PEX5L: variants seen among roughly 807,000 people sequenced by gnomAD.
The protein encoded by PEX5L is PEX5-related protein.
In PEX5L, 30 loss-of-function variants were observed where a neutral mutation model predicts 84.0. The observed-to-expected ratio is 0.36, with a 90% CI of 0.27 to 0.48. PEX5L has a LOEUF of 0.48. PEX5L is among the 20% of genes least tolerant of loss of function. PEX5L has a pLI of 0.99. For synonymous variants in PEX5L, 270 were observed against 283.1 expected (o/e 0.95, Z 0.46); for missense variants, 533 against 754.6 (o/e 0.71, Z 3.44).
intron 8 of PEX5L, among the ~76,000 whole-genome samples, chr3:179,845,943 G>A (rs1461864444): frequency 6.6e-6 from 1 of 152,192 alleles, no homozygotes; most frequent in Non-Finnish European, 1.5e-5. Flanking sequence ...GCTGAGACGG[G>A]CAGATCACCT....
chr3:179,836,920 T>C (rs1735170070), intron 8 of PEX5L, among the ~76,000 whole-genome samples: 2 of 152,194 alleles, frequency 1.3e-5, no homozygotes, highest in African/African-American at 4.8e-5. Context: ...GCTGCAGTTA[T>C]GTAAATAATC....
At chr3:180,032,627 G>A (rs374575655) in intron 1 of PEX5L, among the ~76,000 whole-genome samples, 30 of 152,204 alleles carry the variant, frequency 2.0e-4, no homozygotes, top group East Asian at 7.7e-4. Flanking sequence ...GCAAAGGCGC[G>A]TGGATCGCTT....
chr3:179,946,082 C>T (rs962822125), intron 2 of PEX5L, among the ~76,000 whole-genome samples: 2 of 151,954 alleles, frequency 1.3e-5, no homozygotes, highest in East Asian at 3.9e-4. Flanking sequence ...CTGTCCTTAC[C>T]TCTCTTCATT....
intron 11 of PEX5L, among the ~76,000 whole-genome samples, chr3:179,810,112 C>G (rs1413752170): frequency 2.2e-5 from 3 of 137,714 alleles, no homozygotes; most frequent in Non-Finnish European, 4.6e-5. Flanking sequence ...CACCTGGACT[C>G]AAGCGATTTT....
intron 2 of PEX5L, among the ~76,000 whole-genome samples, chr3:179,946,207 A>G (rs992103607): frequency 1.3e-5 from 2 of 152,152 alleles, no homozygotes; most frequent in African/African-American, 2.4e-5. Context: ...TTGAAATCAG[A>G]ATAATCTTGA....
At chr3:179,856,729 G>T (rs1744116325) in intron 8 of PEX5L, among the ~76,000 whole-genome samples, 1 of 152,160 alleles carries the variant, frequency 6.6e-6, no homozygotes, top group Admixed American at 6.5e-5. Flanking sequence ...CACACCTTCT[G>T]GTGGGCACCA....
chr3:180,014,847 C>T (rs938884538), intron 1 of PEX5L, among the ~76,000 whole-genome samples: 9 of 151,954 alleles, frequency 5.9e-5, no homozygotes, highest in African/African-American at 1.4e-4. Context: ...ATGGTGATTT[C>T]GATCTTGCAA....
intron 4 of PEX5L, 88 bp downstream of exon 4, chr3:179,887,585 C>T: frequency 1.2e-6 from 1 of 831,972 alleles, no homozygotes; most frequent in Non-Finnish European, 2.0e-6. Flanking sequence ...GTTCTTTCCT[C>T]ACTTAAAATG....
At chr3:179,815,674 CT>C (rs1725793386) in intron 10 of PEX5L, among the ~76,000 whole-genome samples, 186 bp downstream of exon 10, 1 of 152,230 alleles carries the variant, frequency 6.6e-6, no homozygotes, top group South Asian at 2.1e-4. Context: ...ACTGTAAACA[CT>C]GCCAATTAGA....
chr3:179,987,034 A>T lies in PEX5L; in HGVS notation c.22-15369T>A, dbSNP rs955732976. Among the ~76,000 whole-genome samples, 9 of 152,280 alleles carry T rather than the reference A, an allele frequency of 5.9e-5. No individual in the cohort carries two copies. In the East Asian group the frequency reaches 1.5e-3, roughly 26 times the overall value. On this transcript the variant is annotated intron_variant, in intron 1 of 14. Coordinates refer to ENST00000467460, the MANE Select transcript of PEX5L (RefSeq NM_016559.3). ...TGCTTGGTTCAAAGCCAGGTCTGCT[A>T]TGTACCAGTTGTATGGCTTTGAGCA...
chr3:180,008,071 A>G (rs569718280), intron 1 of PEX5L, among the ~76,000 whole-genome samples: 1 of 152,158 alleles, frequency 6.6e-6, no homozygotes. Context: ...TCAGGCAGCA[A>G]ATTTTCCAAA....
chr3:179,939,895 T>C (rs1162372737), intron 2 of PEX5L, among the ~76,000 whole-genome samples: 1 of 152,134 alleles, frequency 6.6e-6, no homozygotes, highest in Non-Finnish European at 1.5e-5. Flanking sequence ...AATGAGTTGG[T>C]ATCATTTTGA....
chr3:179,945,869 G>A (rs1313892538), intron 2 of PEX5L, among the ~76,000 whole-genome samples: 4 of 152,086 alleles, frequency 2.6e-5, no homozygotes, highest in Admixed American at 6.6e-5. Context: ...TCGAGGTCAC[G>A]CAGTATATTT....
intron 6 of PEX5L, 62 bp from the exon 7 acceptor site, chr3:179,874,485 G>A: frequency 1.2e-6 from 1 of 848,066 alleles, no homozygotes; most frequent in Non-Finnish European, 2.0e-6. Flanking sequence ...TATAAATCCA[G>A]CCAAGAAACT....
intron 1 of PEX5L, among the ~76,000 whole-genome samples, chr3:180,035,484 T>G (rs1462125378): frequency 6.6e-6 from 1 of 152,220 alleles, no homozygotes; most frequent in African/African-American, 2.4e-5. Context: ...TATTGAGAAT[T>G]CTTATAAAAA....
intron 2 of PEX5L, among the ~76,000 whole-genome samples, chr3:179,959,953 C>T (rs554016469): frequency 1.3e-5 from 2 of 152,344 alleles, no homozygotes; most frequent in South Asian, 4.1e-4. Context: ...AAATTGTTTA[C>T]ATAATAAATT....
At chr3:179,990,390 A>G (rs930672060) in intron 1 of PEX5L, among the ~76,000 whole-genome samples, 1 of 138,174 alleles carries the variant, frequency 7.2e-6, no homozygotes, top group African/African-American at 2.9e-5. Flanking sequence ...ACGGTATGTC[A>G]TTCTGATATC....
chr3:180,006,096 T>C (rs1353754944), intron 1 of PEX5L, among the ~76,000 whole-genome samples: 1 of 152,224 alleles, frequency 6.6e-6, no homozygotes, highest in Non-Finnish European at 1.5e-5. Context: ...TCCACTGGAA[T>C]AGTACTCTTT....
intron 1 of PEX5L, among the ~76,000 whole-genome samples, chr3:179,988,327 G>A (rs1787048867): frequency 1.3e-5 from 2 of 151,732 alleles, no homozygotes; most frequent in African/African-American, 4.9e-5. Flanking sequence ...CTTGAACCCG[G>A]GAGGCAGAGG....
Sources: allele counts gnomAD v4.1 joint callset (sites outside exome capture counted in the v4.1 genomes callset), GRCh38; gene constraint gnomAD v4.1.1; transcripts MANE v1.5; gene names NCBI Gene and HGNC (gene_info 2026-07-23, HGNC 2026-07-21).